Variants in RBFOX1 observed in about 807,000 individuals in gnomAD.
RBFOX1 encodes the protein RNA binding protein fox-1 homolog 1.
In RBFOX1, 8 loss-of-function variants were observed where a neutral mutation model predicts 57.7. The observed-to-expected ratio is 0.14, with a 90% CI of 0.08 to 0.25. The LOEUF is 0.25. Among genes scored for constraint, RBFOX1 ranks in the 10% least tolerant of loss-of-function variants. The pLI is 1.00. For synonymous variants in RBFOX1, 326 were observed against 222.4 expected (o/e 1.47, Z -4.15); for missense variants, 611 against 548.5 (o/e 1.11, Z -1.14).
chr16:6,142,472 C>T (rs532670634), intron 1 of RBFOX1, among the ~76,000 whole-genome samples: 9 of 152,138 alleles, frequency 5.9e-5, no homozygotes, highest in African/African-American at 1.7e-4. Flanking sequence ...TCGCCCGCCT[C>T]GGCCTCCCAA....
chr16:6,626,458 G>A (rs1441386615), intron 2 of RBFOX1, among the ~76,000 whole-genome samples: 1 of 152,072 alleles, frequency 6.6e-6, no homozygotes, highest in East Asian at 1.9e-4. Flanking sequence ...CACTCAACAG[G>A]GATTAAGGTA....
At chr16:5,351,319 C>A (rs960735818) in intron 1 of RBFOX1, among the ~76,000 whole-genome samples, 1 of 152,196 alleles carries the variant, frequency 6.6e-6, no homozygotes, top group Admixed American at 6.5e-5. Flanking sequence ...ATTCCGTCTT[C>A]TAACTACTCT....
Position 6,955,310 on chromosome 16 carries a change from AT to A in RBFOX1, c.-15-96740del, listed in dbSNP as rs1381438643. Reference sequence around the variant, plus strand: ...CGTACGATTAAGTAAGTTATCAATAATTTTTTTCTCTTTCACCTTTAAGCCT... The same window carrying A: ...CGTACGATTAAGTAAGTTATCAATAATTTTTTCTCTTTCACCTTTAAGCCT... On this transcript the variant is annotated intron_variant, in intron 3 of 15. Transcript: ENST00000550418. Among the ~76,000 whole-genome samples, 5 of 150,982 alleles carry A rather than the reference AT, an allele frequency of 3.3e-5. No individual in the cohort carries two copies. The Admixed American group carries it at 3.3e-4, about 10-fold the overall frequency.
chr16:5,844,604 G>T (rs2056705245), intron 3 of RBFOX1, among the ~76,000 whole-genome samples: 1 of 152,090 alleles, frequency 6.6e-6, no homozygotes, highest in Non-Finnish European at 1.5e-5. Context: ...AAAAGGAAGG[G>T]GGAAAAATAA....
chr16:7,122,534 C>G (rs952406651), intron 4 of RBFOX1, among the ~76,000 whole-genome samples: 1 of 152,086 alleles, frequency 6.6e-6, no homozygotes, highest in South Asian at 2.1e-4. Flanking sequence ...CATTAAACAC[C>G]TAGTAGAGGC....
chr16:6,751,468 C>G (rs1264941489), intron 3 of RBFOX1, among the ~76,000 whole-genome samples: 2 of 152,134 alleles, frequency 1.3e-5, no homozygotes, highest in African/African-American at 4.8e-5. Flanking sequence ...ATCCTGACTT[C>G]CTATGTCTTA....
chr16:7,418,723 C>A (rs146025110), intron 4 of RBFOX1, among the ~76,000 whole-genome samples: 14 of 152,252 alleles, frequency 9.2e-5, no homozygotes, highest in Admixed American at 5.2e-4. Context: ...CTCTCTAGAA[C>A]TAATACTTTA....
intron 2 of RBFOX1, among the ~76,000 whole-genome samples, chr16:5,566,412 C>T (rs571153483): frequency 2.6e-5 from 4 of 151,882 alleles, no homozygotes; most frequent in Non-Finnish European, 4.4e-5. Flanking sequence ...TGGAATTGAC[C>T]GTAGATGGAT....
intron 3 of RBFOX1, among the ~76,000 whole-genome samples, chr16:5,669,568 C>A (rs1567373796): frequency 6.6e-6 from 1 of 152,108 alleles, no homozygotes. Flanking sequence ...TGCAGGCATG[C>A]ACCACCATGG....
At chr16:6,541,364 C>T (rs181060244) in intron 2 of RBFOX1, among the ~76,000 whole-genome samples, 12 of 152,294 alleles carry the variant, frequency 7.9e-5, no homozygotes, top group Middle Eastern at 6.8e-3. Context: ...TTACCCAATG[C>T]CAGACACTGT....
chr16:7,560,582 C>G (rs1283926406), intron 5 of RBFOX1, among the ~76,000 whole-genome samples: 3 of 151,492 alleles, frequency 2.0e-5, no homozygotes, highest in African/African-American at 7.3e-5. Context: ...AAAGCGTGTC[C>G]TGGAGCATAA....
intron 4 of RBFOX1, among the ~76,000 whole-genome samples, chr16:7,199,896 A>G (rs79673278): frequency 0.18 from 27,382 of 150,362 alleles, 2,667 homozygotes; most frequent in East Asian, 0.37. Flanking sequence ...CTCTATCTCA[A>G]AAAAACAAAA....
chr16:5,454,262 A>G (rs941719493), intron 1 of RBFOX1, among the ~76,000 whole-genome samples: 1 of 152,218 alleles, frequency 6.6e-6, no homozygotes, highest in Non-Finnish European at 1.5e-5. Flanking sequence ...GTGTCTATCA[A>G]GAGATATTCC....
At chr16:7,307,361 C>T (rs1161036279) in intron 4 of RBFOX1, among the ~76,000 whole-genome samples, 1 of 152,164 alleles carries the variant, frequency 6.6e-6, no homozygotes, top group East Asian at 1.9e-4. Flanking sequence ...ATCCATAAGA[C>T]AACTCATAAA....
At chr16:7,221,844 C>A (rs540798580) in intron 4 of RBFOX1, among the ~76,000 whole-genome samples, 5 of 152,158 alleles carry the variant, frequency 3.3e-5, no homozygotes, top group Non-Finnish European at 1.5e-5. Flanking sequence ...GTTGATTTCC[C>A]TCCTTGGAGG....
At chr16:6,800,854 C>T (rs887250089) in intron 3 of RBFOX1, among the ~76,000 whole-genome samples, 1 of 151,928 alleles carries the variant, frequency 6.6e-6, no homozygotes, top group South Asian at 2.1e-4. Context: ...TTTTCATTTT[C>T]TTCTGGTTGT....
At chr16:6,867,712 G>A (rs2060184518) in intron 3 of RBFOX1, among the ~76,000 whole-genome samples, 1 of 152,036 alleles carries the variant, frequency 6.6e-6, no homozygotes, top group Non-Finnish European at 1.5e-5. Flanking sequence ...GTCTCAGAAG[G>A]ACAAAAAGAA....
At chr16:5,841,674 C>T (rs989137168) in intron 3 of RBFOX1, among the ~76,000 whole-genome samples, 6 of 152,172 alleles carry the variant, frequency 3.9e-5, no homozygotes, top group Non-Finnish European at 8.8e-5. Context: ...AGGTGTAAGT[C>T]ATGGGTGTCC....
chr16:6,931,424 C>T lies in RBFOX1; in HGVS notation c.-15-120633C>T, dbSNP rs879654305. ...TTATGTGTGCATGAACCACTAAAGG[C>T]ATAATAAACGTCTGCTGCCTTGGAC... is the stretch of plus-strand genomic sequence containing the variant. On this transcript the variant is annotated intron_variant, in intron 3 of 15. Coordinates refer to ENST00000550418, the MANE Select transcript of RBFOX1 (RefSeq NM_018723.4). 2.6e-5 allele frequency among the ~76,000 whole-genome samples: 4 copies of T among 151,850 alleles called. No individual in the cohort carries two copies. In the South Asian group the frequency reaches 8.3e-4, roughly 32 times the overall value.
Sources: allele counts gnomAD v4.1 joint callset (sites outside exome capture counted in the v4.1 genomes callset), GRCh38; gene constraint gnomAD v4.1.1; transcripts MANE v1.5; gene names NCBI Gene and HGNC (gene_info 2026-07-23, HGNC 2026-07-21).